Variants in CADPS2 observed in about 807,000 individuals in gnomAD.
The protein encoded by CADPS2 is calcium dependent secretion activator 2, also known as calcium-dependent secretion activator 2.
A neutral mutation model predicts 172.5 loss-of-function variants in CADPS2; 93 were observed. The observed-to-expected ratio is 0.54, with a 90% CI of 0.46 to 0.64. The LOEUF (loss-of-function observed/expected upper bound fraction) is 0.64. Ranked by LOEUF, CADPS2 falls within the 30% of genes least tolerant of loss-of-function variation. CADPS2 has a pLI of 0.00. For synonymous variants in CADPS2, 546 were observed against 555.2 expected (o/e 0.98, Z 0.23); for missense variants, 1,420 against 1,565.9 (o/e 0.91, Z 1.57).
At chr7:122,452,847 C>G (rs933422753) in intron 14 of CADPS2, among the ~76,000 whole-genome samples, 1 of 152,056 alleles carries the variant, frequency 6.6e-6, no homozygotes, top group Non-Finnish European at 1.5e-5. Context: ...ACTTTCCTAA[C>G]AAGATTTTTA....
intron 12 of CADPS2, among the ~76,000 whole-genome samples, chr7:122,477,006 AGG>A (rs2056706871): frequency 3.0e-5 from 2 of 67,478 alleles, no homozygotes; most frequent in African/African-American, 1.3e-4. Context: ...GGGAGAGGAG[AGG>A]AGAGGAGAGG....
chr7:122,823,705 G>C (rs1315166558), intron 1 of CADPS2, among the ~76,000 whole-genome samples: 1 of 152,158 alleles, frequency 6.6e-6, no homozygotes, highest in Non-Finnish European at 1.5e-5. Context: ...AAGTAACAGA[G>C]ACTTCACTGA....
chr7:122,837,045 A>G (rs1367713245), intron 1 of CADPS2, among the ~76,000 whole-genome samples: 3 of 152,234 alleles, frequency 2.0e-5, no homozygotes, highest in Non-Finnish European at 4.4e-5. Context: ...ACTCCTCAGC[A>G]AATGTAAAAG....
chr7:122,737,118 A>T, intron 1 of CADPS2, 50 bp from the exon 2 acceptor site: 3 of 876,192 alleles, frequency 3.4e-6, no homozygotes, highest in South Asian at 2.8e-5. Flanking sequence ...TACATGAAAA[A>T]ATAATGACTA....
chr7:122,713,884 C>T (rs1416082846), intron 2 of CADPS2, among the ~76,000 whole-genome samples: 1 of 152,068 alleles, frequency 6.6e-6, no homozygotes, highest in Non-Finnish European at 1.5e-5. Context: ...TGTTCCCTCA[C>T]ATCCACAGAC....
intron 8 of CADPS2, among the ~76,000 whole-genome samples, chr7:122,543,067 AT>A (rs151143684): frequency 0.037 from 5,630 of 151,276 alleles, 153 homozygotes; most frequent in Middle Eastern, 0.078. Flanking sequence ...AAAGTAAGTT[AT>A]TTTTTTTTAA....
chr7:122,562,695 A>C (rs781019290), intron 7 of CADPS2, among the ~76,000 whole-genome samples: 13 of 143,862 alleles, frequency 9.0e-5, no homozygotes, highest in Non-Finnish European at 1.5e-4. Flanking sequence ...ATTTCTCCTC[A>C]TAAGTGTGTG....
intron 24 of CADPS2, 51 bp from the exon 25 acceptor site, chr7:122,379,493 T>C (rs374373037): frequency 2.6e-6 from 3 of 1,171,588 alleles, no homozygotes; most frequent in South Asian, 1.3e-5. Context: ...ACAAAACTTT[T>C]GTCATCAGTC....
chr7:122,799,316 AGGGCTG>A (rs1182430952), intron 1 of CADPS2, among the ~76,000 whole-genome samples: 4 of 152,176 alleles, frequency 2.6e-5, no homozygotes, highest in Admixed American at 2.6e-4. Context: ...ATAGCTATGT[AGGGCTG>A]GGCGCGGTGG....
chr7:122,670,906 G>A (rs1487139002), intron 2 of CADPS2, among the ~76,000 whole-genome samples: 1 of 150,202 alleles, frequency 6.7e-6, no homozygotes, highest in Non-Finnish European at 1.5e-5. Flanking sequence ...TTCTTCTCTG[G>A]CCTCATCACA....
chr7:122,883,405 T>A (rs1823478838), intron 1 of CADPS2, among the ~76,000 whole-genome samples: 1 of 152,238 alleles, frequency 6.6e-6, no homozygotes, highest in African/African-American at 2.4e-5. Flanking sequence ...AGCAGCAATA[T>A]TCATTTCAAT....
intron 7 of CADPS2, 96 bp from the exon 8 acceptor site, chr7:122,554,785 G>T: frequency 9.1e-7 from 1 of 1,095,494 alleles, no homozygotes; most frequent in Non-Finnish European, 1.2e-6. Context: ...TTGAAAAAAT[G>T]ATGTCAACAC....
At chr7:122,760,529 A>T (rs990962437) in intron 1 of CADPS2, among the ~76,000 whole-genome samples, 1 of 152,056 alleles carries the variant, frequency 6.6e-6, no homozygotes, top group Non-Finnish European at 1.5e-5. Flanking sequence ...TCCTAACCTG[A>T]TAATGTAGAG....
chr7:122,705,546 T>C (rs1328019780), intron 2 of CADPS2, among the ~76,000 whole-genome samples: 12 of 120,818 alleles, frequency 9.9e-5, no homozygotes, highest in Non-Finnish European at 1.8e-4. Flanking sequence ...TATTATATAT[T>C]ATATATATTT....
chr7:122,469,641 G>A (rs1431189958), intron 14 of CADPS2, among the ~76,000 whole-genome samples: 1 of 152,176 alleles, frequency 6.6e-6, no homozygotes, highest in Non-Finnish European at 1.5e-5. Flanking sequence ...TAGACTGTGA[G>A]ACAAGGATCA....
intron 28 of CADPS2, among the ~76,000 whole-genome samples, chr7:122,339,285 T>G (rs2036405180): frequency 6.6e-6 from 1 of 152,198 alleles, no homozygotes; most frequent in South Asian, 2.1e-4. Context: ...TTTATCCATG[T>G]TTTGTTGATT....
intron 14 of CADPS2, among the ~76,000 whole-genome samples, chr7:122,468,237 T>C (rs2055420207): frequency 6.6e-6 from 1 of 152,184 alleles, no homozygotes. Flanking sequence ...AACGACTCTT[T>C]GAATATGTGT....
At chr7:122,657,483 G>A (rs986838244) in intron 3 of CADPS2, among the ~76,000 whole-genome samples, 10 of 151,906 alleles carry the variant, frequency 6.6e-5, no homozygotes, top group African/African-American at 1.9e-4. Context: ...TTTTTATTTC[G>A]TTGAGCAGTG....
chr7:122,452,643 G>A (rs781451006), intron 14 of CADPS2, among the ~76,000 whole-genome samples: 1 of 152,054 alleles, frequency 6.6e-6, no homozygotes, highest in African/African-American at 2.4e-5. Context: ...TGATCTGCCC[G>A]CCTTGGCCTC....
Sources: allele counts gnomAD v4.1 joint callset (sites outside exome capture counted in the v4.1 genomes callset), GRCh38; gene constraint gnomAD v4.1.1; transcripts MANE v1.5; gene names NCBI Gene and HGNC (gene_info 2026-07-23, HGNC 2026-07-21).